Variants in ZNF469 observed in about 807,000 individuals in gnomAD.
ZNF469 encodes zinc finger protein 469.
Under a neutral mutation model 1.0 loss-of-function variants are expected in ZNF469, and 1 was observed. The ratio of observed to expected loss-of-function variants is 1.00; its 90% CI spans 0.35 to 4.73. ZNF469 has a LOEUF of 4.73. ZNF469 is among the 30% of genes most tolerant of loss of function. The probability of loss-of-function intolerance (pLI) is 0.16; values close to 1 mark genes in which losing one functional copy is unlikely to be tolerated. For synonymous variants in ZNF469, 2,703 were observed against 2,363.4 expected (o/e 1.14, Z -4.17); for missense variants, 6,100 against 5,356.3 (o/e 1.14, Z -4.33).
chr16:88,431,058 A>C lies in ZNF469; in HGVS notation c.3588A>C (p.Ser1196=). The C allele has an allele frequency of 6.5e-7, 1 of 1,548,922 alleles. No homozygotes were observed. Among genetic ancestry groups the C allele is most frequent in the Non-Finnish European group, 8.7e-7 (1 of 1,146,766 alleles). ...GCCCCAAGTGTGCTGATCGCCCCTC[A>C]GTGGCCCCCAAGGATCCCCTGCAGG... The part of the protein sequence containing the change: ...EGGPKCADRP[S]VAPKDPLQVP... The change falls in exon 3 of 3, where the codon TCA becomes TCC. Residue 1196 remains serine (S), a synonymous_variant. Transcript: ENST00000565624.
rs757261226 is a variant in ZNF469 at position 88,437,911 on chromosome 16, G to A, written c.10441G>A (p.Gly3481Ser). The A allele has an allele frequency of 4.9e-5, 76 of 1,539,534 alleles. No individual in the cohort carries two copies. Among genetic ancestry groups the A allele is most frequent in the Admixed American group, 1.6e-4 (8 of 50,796 alleles). Residue 3481 changes from glycine to serine, a missense_variant, in exon 3 of 3, where the codon GGC (glycine) becomes AGC (serine). By Grantham distance (56) the Gly-to-Ser change is moderately conservative. Coordinates refer to ENST00000565624, the MANE Select transcript of ZNF469 (RefSeq NM_001367624.2). ...PSKRRRVAMP[G>S]SAPGPGEDRP... Reference sequence around the variant, plus strand: ...CAAACGGCGCAGGGTGGCCATGCCCGGCAGTGCCCCTGGGCCCGGCGAGGA... The same window carrying A: ...CAAACGGCGCAGGGTGGCCATGCCCAGCAGTGCCCCTGGGCCCGGCGAGGA...
the ZNF469 span, among the ~76,000 whole-genome samples, chr16:88,165,125 C>G: frequency 1.3e-5 from 2 of 152,226 alleles, no homozygotes; most frequent in Non-Finnish European, 2.9e-5. Flanking sequence ...ACCAGAGTGG[C>G]CTCAGCCCGA....
At chr16:88,134,347 G>A in the ZNF469 span, among the ~76,000 whole-genome samples, 4 of 152,212 alleles carry the variant, frequency 2.6e-5, no homozygotes, top group South Asian at 2.1e-4. Context: ...TACGAACCAC[G>A]TGCTGTGTGC....
chr16:88,221,279 A>G, the ZNF469 span, among the ~76,000 whole-genome samples: 2 of 152,214 alleles, frequency 1.3e-5, no homozygotes, highest in African/African-American at 4.8e-5. Context: ...CACCAGATCT[A>G]TAAAAACAGC....
At chr16:88,166,571 A>C in the ZNF469 span, among the ~76,000 whole-genome samples, 1 of 151,962 alleles carries the variant, frequency 6.6e-6, no homozygotes, top group Admixed American at 6.6e-5. This position sits in a 1 kb window ranked among gnomAD's most constrained non-coding sequence, Gnocchi z 4.5. Flanking sequence ...TCCCTCCTGC[A>C]CCCCTTGAGG....
chr16:88,180,919 G>C, the ZNF469 span, among the ~76,000 whole-genome samples: 1 of 152,286 alleles, frequency 6.6e-6, no homozygotes, highest in South Asian at 2.1e-4. Context: ...AGTATCGTTG[G>C]AAACTTCAAT....
the ZNF469 span, among the ~76,000 whole-genome samples, chr16:88,340,918 C>T: frequency 0.011 from 1,652 of 152,140 alleles, 33 homozygotes; most frequent in African/African-American, 0.037. Context: ...AGGAGGGCCT[C>T]GCAGAGAGCC....
the ZNF469 span, among the ~76,000 whole-genome samples, chr16:88,149,762 C>A: frequency 2.0e-5 from 3 of 152,190 alleles, no homozygotes; most frequent in South Asian, 4.1e-4. Flanking sequence ...CTGACACGTG[C>A]TGGGCAGGCT....
chr16:88,431,095 A>G lies in ZNF469; in HGVS notation c.3625A>G (p.Thr1209Ala), dbSNP rs1906143404. The G allele has an allele frequency of 6.5e-7, 1 of 1,550,080 alleles. No individual in the cohort carries two copies. Among genetic ancestry groups the G allele is most frequent in the East Asian group, 2.4e-5 (1 of 40,910 alleles). The change falls in exon 3 of 3, where the codon ACC (threonine) becomes GCC (alanine). Residue 1209 changes from threonine (T) to alanine (A), a missense_variant. Transcript: ENST00000565624. The part of the protein sequence containing the change: ...PKDPLQVPTN[T>A]ETSEETRPSL... Reference sequence around the variant, plus strand: ...GGATCCCCTGCAGGTCCCCACCAACACCGAGACCTCAGAGGAAACCCGCCC... The same window carrying G: ...GGATCCCCTGCAGGTCCCCACCAACGCCGAGACCTCAGAGGAAACCCGCCC...
chr16:88,358,126 C>T, the ZNF469 span, among the ~76,000 whole-genome samples: 1 of 152,212 alleles, frequency 6.6e-6, no homozygotes, highest in South Asian at 2.1e-4. Flanking sequence ...GGTCCCACCT[C>T]CCCCAGGCCC....
chr16:88,211,331 G>C, the ZNF469 span, among the ~76,000 whole-genome samples: 1 of 152,216 alleles, frequency 6.6e-6, no homozygotes, highest in East Asian at 1.9e-4. Flanking sequence ...ACAGGGAGGT[G>C]ATCGTCTACA....
the ZNF469 span, among the ~76,000 whole-genome samples, chr16:88,273,176 G>A: frequency 1.3e-5 from 2 of 152,110 alleles, no homozygotes; most frequent in African/African-American, 4.8e-5. Flanking sequence ...TAGATAGATG[G>A]ATGGGTGAGT....
At chr16:88,141,058 GC>G in the ZNF469 span, among the ~76,000 whole-genome samples, 1 of 152,194 alleles carries the variant, frequency 6.6e-6, no homozygotes, top group African/African-American at 2.4e-5. Context: ...GCATCGTTGG[GC>G]CAATGAATCC....
At chr16:88,133,305 C>T in the ZNF469 span, among the ~76,000 whole-genome samples, 4 of 152,350 alleles carry the variant, frequency 2.6e-5, no homozygotes, top group African/African-American at 7.2e-5. Context: ...CTGGCGATCC[C>T]GCACATTCCC....
At chr16:88,154,197 G>A in the ZNF469 span, among the ~76,000 whole-genome samples, 38 of 152,238 alleles carry the variant, frequency 2.5e-4, no homozygotes, top group Non-Finnish European at 5.0e-4. Context: ...TAGCTCTGTC[G>A]CCCAGGCTGG....
chr16:88,117,113 G>C, the ZNF469 span, among the ~76,000 whole-genome samples: 53 of 152,088 alleles, frequency 3.5e-4, no homozygotes, highest in Admixed American at 3.5e-3. Flanking sequence ...GTGGGAGTGA[G>C]AGTCAGGGAT....
the ZNF469 span, among the ~76,000 whole-genome samples, chr16:88,275,838 C>T: frequency 6.6e-6 from 1 of 152,182 alleles, no homozygotes; most frequent in South Asian, 2.1e-4. Flanking sequence ...CCCCAGGAGG[C>T]GGGGCACAGG....
the ZNF469 span, among the ~76,000 whole-genome samples, chr16:88,376,961 G>C: frequency 6.6e-6 from 1 of 152,244 alleles, no homozygotes; most frequent in African/African-American, 2.4e-5. Context: ...CAGGGAGGAC[G>C]GCTCTGCCCG....
the ZNF469 span, among the ~76,000 whole-genome samples, chr16:88,157,571 G>A: frequency 6.6e-6 from 1 of 152,010 alleles, no homozygotes; most frequent in Admixed American, 6.5e-5. Flanking sequence ...CCCTCCCAAG[G>A]CCCCCAAACC....
Sources: allele counts gnomAD v4.1 joint callset (sites outside exome capture counted in the v4.1 genomes callset), GRCh38; gene constraint gnomAD v4.1.1; non-coding constraint Gnocchi (gnomAD v3.1); transcripts MANE v1.5; gene names NCBI Gene and HGNC (gene_info 2026-07-23, HGNC 2026-07-21).